Variants in TULP4 observed in about 807,000 individuals in gnomAD.
The protein encoded by TULP4 is TUB like protein 4.
Under a neutral mutation model 129.0 loss-of-function variants are expected in TULP4, and 16 were observed. That is an observed-to-expected ratio of 0.12 (90% CI 0.08 to 0.19). The LOEUF (loss-of-function observed/expected upper bound fraction) is 0.19. TULP4 is among the 10% of genes least tolerant of loss of function. The probability of loss-of-function intolerance (pLI) is 1.00; values close to 1 mark genes in which losing one functional copy is unlikely to be tolerated. For missense variants in TULP4, 1,842 were observed against 2,059.1 expected, an observed-to-expected ratio of 0.89 and a Z score of 2.04; for synonymous variants, 998 against 854.0, an observed-to-expected ratio of 1.17 and a Z score of -2.94.
In TULP4 at chr6:158,431,572, C is replaced by G. The variant is rs553983813; in HGVS notation, c.543+1675C>G. ...TTGGACCTGTTGAGGAGACAGACCT[C>G]TCCTTACACAGAATCTGCTGCCGTG... On this transcript the variant is annotated intron_variant, in intron 3 of 13. Coordinates refer to ENST00000367097, the MANE Select transcript of TULP4 (RefSeq NM_020245.5). 1.8e-4 allele frequency among the ~76,000 whole-genome samples: 28 copies of G among 152,314 alleles called. 1 individual carries two copies. The South Asian group carries it at 5.8e-3, about 32-fold the overall frequency.
intron 3 of TULP4, among the ~76,000 whole-genome samples, chr6:158,440,817 A>C (rs1778879931): frequency 6.6e-6 from 1 of 152,196 alleles, no homozygotes; most frequent in African/African-American, 2.4e-5. Context: ...TGTGGAATAA[A>C]ATATGTTTCT....
chr6:158,465,206 C>A (rs1255095341), intron 6 of TULP4, among the ~76,000 whole-genome samples: 1 of 152,146 alleles, frequency 6.6e-6, no homozygotes, highest in African/African-American at 2.4e-5. Context: ...CAACAGCAGG[C>A]CCATTCCGTA....
chr6:158,496,141 G>A (rs981104826), intron 11 of TULP4, among the ~76,000 whole-genome samples: 8 of 152,208 alleles, frequency 5.3e-5, no homozygotes, highest in African/African-American at 1.9e-4. Context: ...TGTGAGTTGA[G>A]GAGCTGTGTT....
intron 1 of TULP4, among the ~76,000 whole-genome samples, chr6:158,284,194 T>G (rs1231915125): frequency 6.6e-6 from 1 of 152,208 alleles, no homozygotes; most frequent in African/African-American, 2.4e-5. Flanking sequence ...GGCCGGGGCC[T>G]GGGACTCATT....
Position 158,454,987 on chromosome 6 carries a change from A to G in TULP4, c.859+2719A>G, listed in dbSNP as rs190391401. 3.9e-3 allele frequency among the ~76,000 whole-genome samples: 597 copies of G among 152,202 alleles called. 5 individuals are homozygous for G. The highest frequency in any genetic ancestry group is 0.014 in the African/African-American group (570 of 41,514). ...GTTAGGTAAGTTGGGGAGGTGACCC[A>G]AAGTAGCCCTCCCAAATGTGAAATT... On this transcript the variant is annotated intron_variant, in intron 5 of 13. Transcript: ENST00000367097.
At chr6:158,384,878 T>C (rs1201367800) in intron 1 of TULP4, among the ~76,000 whole-genome samples, 2 of 152,208 alleles carry the variant, frequency 1.3e-5, no homozygotes, top group East Asian at 1.9e-4. Context: ...CTCATAAATA[T>C]CTGGATTGGC....
Position 158,375,318 on chromosome 6 carries a change from G to A in TULP4, c.253-37747G>A, listed in dbSNP as rs758172800. The stretch of plus-strand genomic sequence containing the variant: ...TGTTCTTTTTTGTTGGCAATTCAGC[G>A]TGTTCCTTTTTTGTCCATTCATCAA... On this transcript the variant is annotated intron_variant, in intron 1 of 13. Coordinates refer to ENST00000367097, the MANE Select transcript of TULP4 (RefSeq NM_020245.5). Among the ~76,000 whole-genome samples, 7 of 152,306 alleles carry A rather than the reference G, an allele frequency of 4.6e-5. No homozygotes were observed. In the East Asian group the frequency reaches 5.8e-4, roughly 13 times the overall value.
chr6:158,267,722 G>A (rs528651639), intron 1 of TULP4, among the ~76,000 whole-genome samples: 1 of 152,150 alleles, frequency 6.6e-6, no homozygotes, highest in Non-Finnish European at 1.5e-5. Flanking sequence ...TTTTGCTCCC[G>A]TGTGGATGTG....
chr6:158,234,054 A>G (rs1224622945), intron 1 of TULP4, among the ~76,000 whole-genome samples: 1 of 152,220 alleles, frequency 6.6e-6, no homozygotes, highest in Non-Finnish European at 1.5e-5. Flanking sequence ...ATGATTAGGA[A>G]GTCATGATTG....
intron 1 of TULP4, among the ~76,000 whole-genome samples, chr6:158,283,074 G>A (rs1778784177): frequency 6.6e-6 from 1 of 151,440 alleles, no homozygotes; most frequent in Non-Finnish European, 1.5e-5. Context: ...AGGAGGCAGA[G>A]GTTGCAGTGA....
chr6:158,401,085 T>TG (rs779472669), intron 1 of TULP4, among the ~76,000 whole-genome samples: 2 of 147,148 alleles, frequency 1.4e-5, no homozygotes, highest in African/African-American at 5.2e-5. Flanking sequence ...TTGTTGTTGT[T>TG]TTGTTGTTTT....
rs2128268395 is a variant in TULP4 at position 158,506,684 on chromosome 6, G to A, written c.4622G>A (p.Arg1541His). 2 of 1,608,910 alleles carry A rather than the reference G, an allele frequency of 1.2e-6. No individual in the cohort carries two copies. The highest frequency in any genetic ancestry group is 1.7e-6 in the Non-Finnish European group (2 of 1,175,248). Reference sequence around the variant, plus strand: ...GTTGCCCTGGCCAACGTGACTCAGCGCCTCAAATGAAGAGACTGGTGTGGG... The same window carrying A: ...GTTGCCCTGGCCAACGTGACTCAGCACCTCAAATGAAGAGACTGGTGTGGG... ...FAVALANVTQRLK is the reference protein window; with the variant it reads ...FAVALANVTQHLK Residue 1541 changes from arginine to histidine, a missense_variant, in exon 14 of 14, where the codon CGC becomes CAC. By Grantham distance (29) the Arg-to-His change is conservative (BLOSUM62 0). Transcript: ENST00000367097.
intron 1 of TULP4, among the ~76,000 whole-genome samples, chr6:158,401,407 A>G (rs1186488220): frequency 6.6e-6 from 1 of 152,162 alleles, no homozygotes; most frequent in East Asian, 1.9e-4. Context: ...TTCCCTGGCA[A>G]CTAACAAGAA....
At chr6:158,346,720 T>C (rs1780321716) in intron 1 of TULP4, among the ~76,000 whole-genome samples, 1 of 152,228 alleles carries the variant, frequency 6.6e-6, no homozygotes. Flanking sequence ...AAGACTGGTG[T>C]AGATTGAAGC....
upstream of TULP4, among the ~76,000 whole-genome samples, chr6:158,311,357 G>A (rs1779346872): frequency 6.6e-6 from 1 of 152,222 alleles, no homozygotes; most frequent in Non-Finnish European, 1.5e-5. Context: ...TGGAAGGACT[G>A]GCGGGGCGGG....
chr6:158,359,188 C>G (rs1332510510), intron 1 of TULP4, among the ~76,000 whole-genome samples: 2 of 152,092 alleles, frequency 1.3e-5, no homozygotes, highest in Non-Finnish European at 2.9e-5. Flanking sequence ...AATGGGTGTC[C>G]ACTTCGTTTA....
chr6:158,324,038 A>G (rs2128488508), intron 1 of TULP4, among the ~76,000 whole-genome samples: 1 of 152,320 alleles, frequency 6.6e-6, no homozygotes, highest in Admixed American at 6.5e-5. Context: ...AATTTACTGT[A>G]TTGAGCGAAA....
intron 1 of TULP4, among the ~76,000 whole-genome samples, chr6:158,283,703 C>T (rs9356571): frequency 0.39 from 60,035 of 152,064 alleles, 12,211 homozygotes; most frequent in Admixed American, 0.48. Flanking sequence ...TCAGAACTAA[C>T]TGTTAAAGTG....
At chr6:158,332,664 A>G (rs1301219889) in intron 1 of TULP4, among the ~76,000 whole-genome samples, 1 of 152,174 alleles carries the variant, frequency 6.6e-6, no homozygotes, top group Admixed American at 6.5e-5. Context: ...TCACTAGGCC[A>G]AAGCTGTAAG....
Sources: allele counts gnomAD v4.1 joint callset (sites outside exome capture counted in the v4.1 genomes callset), GRCh38; gene constraint gnomAD v4.1.1; transcripts MANE v1.5; gene names NCBI Gene and HGNC (gene_info 2026-07-23, HGNC 2026-07-21).